The following SH3BGRL2 variants were observed in gnomAD, a reference collection of about 807,000 sequenced individuals.
SH3BGRL2 encodes the protein SH3 domain binding glutamate rich protein like 2.
In SH3BGRL2, 21 loss-of-function variants were observed where a neutral mutation model predicts 14.8. That is an observed-to-expected ratio of 1.42 (90% CI 1.01 to 2.05). SH3BGRL2 has a LOEUF of 2.05. Ranked by LOEUF, SH3BGRL2 falls within the 30% of genes most tolerant of loss-of-function variation. SH3BGRL2 has a pLI of 0.00. For synonymous variants in SH3BGRL2, 50 were observed against 47.8 expected (o/e 1.05, Z -0.19); for missense variants, 147 against 130.8 (o/e 1.12, Z -0.61).
chr6:79,601,985 A>G, the SH3BGRL2 span, among the ~76,000 whole-genome samples: 1 of 152,232 alleles, frequency 6.6e-6, no homozygotes. Context: ...ACATTGAGCA[A>G]CAGCTTTAGC....
At chr6:79,583,191 A>G in the SH3BGRL2 span, among the ~76,000 whole-genome samples, 5 of 152,232 alleles carry the variant, frequency 3.3e-5, no homozygotes, top group Non-Finnish European at 1.5e-5. Flanking sequence ...GTGGTAGTGT[A>G]AATTAGTTCA....
At chr6:79,561,893 A>G in the SH3BGRL2 span, among the ~76,000 whole-genome samples, 1 of 152,292 alleles carries the variant, frequency 6.6e-6, no homozygotes, top group Non-Finnish European at 1.5e-5. Context: ...CTGAACTTTG[A>G]GTAGAGGCCA....
intron 1 of SH3BGRL2, among the ~76,000 whole-genome samples, chr6:79,644,757 T>G (rs1210850456): frequency 6.6e-6 from 1 of 152,198 alleles, no homozygotes; most frequent in Non-Finnish European, 1.5e-5. Flanking sequence ...TTATTATTAT[T>G]GAGTGTCATT....
At chr6:79,682,421 A>C (rs139379877) in intron 2 of SH3BGRL2, among the ~76,000 whole-genome samples, 3 of 152,314 alleles carry the variant, frequency 2.0e-5, no homozygotes, top group Admixed American at 6.5e-5. Flanking sequence ...ATATATGATC[A>C]CAAGACAACG....
At chr6:79,594,345 T>A in the SH3BGRL2 span, among the ~76,000 whole-genome samples, 2 of 152,222 alleles carry the variant, frequency 1.3e-5, no homozygotes, top group Non-Finnish European at 2.9e-5. Flanking sequence ...TGAGCTATTC[T>A]TTGTTGAGGC....
intron 1 of SH3BGRL2, among the ~76,000 whole-genome samples, chr6:79,660,317 A>G (rs1769517509): frequency 6.6e-6 from 1 of 152,198 alleles, no homozygotes; most frequent in Non-Finnish European, 1.5e-5. Context: ...ACATTCCATC[A>G]ATACCTAGTT....
the SH3BGRL2 span, among the ~76,000 whole-genome samples, chr6:79,576,039 T>C: frequency 6.6e-6 from 1 of 152,162 alleles, no homozygotes; most frequent in Admixed American, 6.5e-5. Flanking sequence ...CATTGCTATG[T>C]AACTAGCAAA....
At chr6:79,576,472 T>G in the SH3BGRL2 span, among the ~76,000 whole-genome samples, 3 of 152,214 alleles carry the variant, frequency 2.0e-5, no homozygotes, top group African/African-American at 7.2e-5. Context: ...CCTCGTAGCA[T>G]TCGAAAGATA....
chr6:79,690,958 A>G (rs1185183468), intron 2 of SH3BGRL2, among the ~76,000 whole-genome samples: 1 of 152,204 alleles, frequency 6.6e-6, no homozygotes, highest in African/African-American at 2.4e-5. Context: ...AATTTCTCTC[A>G]TGAACATAGA....
chr6:79,664,638 G>T (rs1442988667), intron 1 of SH3BGRL2, among the ~76,000 whole-genome samples: 1 of 152,156 alleles, frequency 6.6e-6, no homozygotes, highest in Non-Finnish European at 1.5e-5. Flanking sequence ...AGACCTCAGT[G>T]TCCCACTTGC....
At chr6:79,566,690 G>C in the SH3BGRL2 span, among the ~76,000 whole-genome samples, 1 of 152,028 alleles carries the variant, frequency 6.6e-6, no homozygotes, top group Non-Finnish European at 1.5e-5. Context: ...TATGGGACCA[G>C]TGGTGGCACT....
intron 1 of SH3BGRL2, among the ~76,000 whole-genome samples, chr6:79,638,361 T>A (rs1768966607): frequency 6.6e-6 from 1 of 152,332 alleles, no homozygotes; most frequent in Admixed American, 6.5e-5. Flanking sequence ...GTTCAAGACT[T>A]AGATGGATTC....
At chr6:79,540,933 T>C in the SH3BGRL2 span, among the ~76,000 whole-genome samples, 1 of 152,232 alleles carries the variant, frequency 6.6e-6, no homozygotes, top group African/African-American at 2.4e-5. Flanking sequence ...GATGTGAATA[T>C]GCTGTTTTGA....
the SH3BGRL2 span, among the ~76,000 whole-genome samples, chr6:79,576,106 A>G: frequency 6.6e-6 from 1 of 152,192 alleles, no homozygotes. Flanking sequence ...ACCTTAAAAT[A>G]TCTTAATTCC....
the SH3BGRL2 span, among the ~76,000 whole-genome samples, chr6:79,553,897 G>GGCAGAGGT: frequency 7.9e-4 from 120 of 151,914 alleles, no homozygotes; most frequent in African/African-American, 2.7e-3. Context: ...GAACCCGGGA[G>GGCAGAGGT]GCAGAGGTTG....
At chr6:79,656,676 T>C (rs1161837371) in intron 1 of SH3BGRL2, among the ~76,000 whole-genome samples, 1 of 152,190 alleles carries the variant, frequency 6.6e-6, no homozygotes, top group East Asian at 1.9e-4. Context: ...TTACATAGCA[T>C]TCACATTGTA....
chr6:79,631,381 G>C lies in SH3BGRL2; in HGVS notation c.-81G>C. The stretch of plus-strand genomic sequence containing the variant: ...GCGCTTTACCCAGAGGCTGCCGGCG[G>C]CTCGTAGCTGGGTTCAGCTCTGCGT... On this transcript the variant is annotated 5_prime_UTR_variant, in exon 1 of 4. Coordinates refer to ENST00000369838, the MANE Select transcript of SH3BGRL2 (RefSeq NM_031469.4). The C allele has an allele frequency of 7.7e-7, 1 of 1,304,116 alleles. No individual in the cohort carries two copies. The allele number at this position is 1,304,116 out of a possible 1,614,324, so 80.8% of individuals were successfully genotyped here. A position where few individuals can be genotyped will look rare whatever the true frequency, so the allele number is the denominator to read the frequency against.
rs965410330 is a variant in SH3BGRL2, at chr6:79,700,467, C to G, written c.*958C>G. Reference sequence around the variant, plus strand: ...CTCAGTTAGATATATTTTGTGAACCCTTGATTAGACATATTAAAATATACC... The same window carrying G: ...CTCAGTTAGATATATTTTGTGAACCGTTGATTAGACATATTAAAATATACC... On this transcript the variant is annotated 3_prime_UTR_variant, in exon 4 of 4. Coordinates refer to ENST00000369838, the MANE Select transcript of SH3BGRL2 (RefSeq NM_031469.4). 5 of 152,000 alleles carry G rather than the reference C, an allele frequency of 3.3e-5. No individual in the cohort carries two copies. Among genetic ancestry groups the G allele is most frequent in the Admixed American group, 1.3e-4 (2 of 15,262 alleles). The allele number at this position is 152,000 out of a possible 1,614,324, so 9.4% of individuals were successfully genotyped here.
chr6:79,571,646 A>G, the SH3BGRL2 span, among the ~76,000 whole-genome samples: 1 of 152,202 alleles, frequency 6.6e-6, no homozygotes, highest in South Asian at 2.1e-4. Flanking sequence ...CAAAAACTTA[A>G]AATCTATTGG....
Sources: allele counts gnomAD v4.1 joint callset (sites outside exome capture counted in the v4.1 genomes callset), GRCh38; gene constraint gnomAD v4.1.1; transcripts MANE v1.5; gene names NCBI Gene and HGNC (gene_info 2026-07-23, HGNC 2026-07-21).